The following SH2D4B variants were observed in gnomAD, a reference collection of about 807,000 sequenced individuals.
The protein encoded by SH2D4B is SH2 domain containing 4B, also known as SH2 domain-containing protein 4B.
In SH2D4B, 45 loss-of-function variants were observed where a neutral mutation model predicts 61.5. The observed-to-expected ratio is 0.73, with a 90% CI of 0.58 to 0.94. The LOEUF is 0.94. SH2D4B is among the 40% of genes least tolerant of loss of function. The pLI is 0.00. For synonymous variants in SH2D4B, 224 were observed against 220.4 expected (o/e 1.02, Z -0.14); for missense variants, 572 against 574.2 (o/e 1.00, Z 0.04).
At chr10:80,540,918 G>A in intron 1 of SH2D4B, 1 of 1,550,770 alleles carries the variant, frequency 6.4e-7, no homozygotes, top group Non-Finnish European at 8.7e-7. Flanking sequence ...GGACTCAGGA[G>A]GCTCTCCAGA....
intron 4 of SH2D4B, among the ~76,000 whole-genome samples, chr10:80,597,297 C>T (rs566044838): frequency 5.9e-4 from 90 of 152,306 alleles, no homozygotes; most frequent in Non-Finnish European, 1.1e-3. Context: ...CCCTCAAAAT[C>T]TCAGCCTGGA....
At chr10:80,561,901 C>T (rs78076638) in intron 1 of SH2D4B, among the ~76,000 whole-genome samples, 3,260 of 152,140 alleles carry the variant, frequency 0.021, 97 homozygotes, top group African/African-American at 0.073. Flanking sequence ...AAATATACTT[C>T]AACCAAAATT....
chr10:80,622,550 C>G (rs548903618), intron 6 of SH2D4B, among the ~76,000 whole-genome samples: 1 of 152,280 alleles, frequency 6.6e-6, no homozygotes, highest in South Asian at 2.1e-4. Flanking sequence ...TGGGTCTATA[C>G]TTTCTCTTTC....
chr10:80,567,573 C>G (rs1388194431), intron 1 of SH2D4B, among the ~76,000 whole-genome samples: 1 of 152,212 alleles, frequency 6.6e-6, no homozygotes, highest in Admixed American at 6.5e-5. Context: ...GCACTATATA[C>G]AGTGCTGGAG....
intron 6 of SH2D4B, among the ~76,000 whole-genome samples, chr10:80,624,745 C>A (rs745808357): frequency 2.0e-5 from 3 of 152,126 alleles, no homozygotes; most frequent in African/African-American, 7.2e-5. Flanking sequence ...GCATGGAAAT[C>A]GAAAACTGAT....
chr10:80,588,465 T>C (rs1251476826), intron 3 of SH2D4B, among the ~76,000 whole-genome samples, 165 bp from the exon 4 acceptor site: 1 of 152,202 alleles, frequency 6.6e-6, no homozygotes, highest in Non-Finnish European at 1.5e-5. Flanking sequence ...CAACTGTCTA[T>C]GGGAGTACTG....
At chr10:80,609,993 A>G (rs1437751659) in intron 6 of SH2D4B, among the ~76,000 whole-genome samples, 1 of 152,128 alleles carries the variant, frequency 6.6e-6, no homozygotes, top group African/African-American at 2.4e-5. Context: ...TCACCCAAAC[A>G]TAGACTGTTA....
At chr10:80,562,063 A>T (rs1691516525) in intron 1 of SH2D4B, among the ~76,000 whole-genome samples, 1 of 144,778 alleles carries the variant, frequency 6.9e-6, no homozygotes, top group Admixed American at 7.0e-5. Flanking sequence ...ACACACACAC[A>T]TATATAAAAA....
intron 1 of SH2D4B, among the ~76,000 whole-genome samples, chr10:80,552,564 C>T (rs1841775860): frequency 6.6e-6 from 1 of 152,176 alleles, no homozygotes; most frequent in Non-Finnish European, 1.5e-5. Context: ...GTGAGAAAGG[C>T]CACCAGCTGC....
intron 6 of SH2D4B, among the ~76,000 whole-genome samples, chr10:80,629,537 C>A (rs563682739): frequency 6.6e-6 from 1 of 152,224 alleles, no homozygotes; most frequent in South Asian, 2.1e-4. Flanking sequence ...CCTTCAGCAG[C>A]CTATGTTTGA....
At chr10:80,573,136 CACCG>C (rs569726153) in intron 3 of SH2D4B, among the ~76,000 whole-genome samples, 2,207 of 147,062 alleles carry the variant, frequency 0.015, 59 homozygotes, top group African/African-American at 0.053. Context: ...AGGCGCCCGC[CACCG>C]CGCCCGGCTA....
chr10:80,604,153 C>T (rs1212699425), intron 5 of SH2D4B, among the ~76,000 whole-genome samples: 1 of 152,190 alleles, frequency 6.6e-6, no homozygotes, highest in Non-Finnish European at 1.5e-5. Flanking sequence ...TGTAGTGAGA[C>T]CTCAGATGGG....
At position 80,571,484 on chromosome 10, in the gene SH2D4B, A is replaced by G. The variant is rs1483219499; in HGVS notation, c.401A>G (p.Glu134Gly). 6 of 1,614,178 alleles carry G rather than the reference A, an allele frequency of 3.7e-6. No homozygotes were observed. The Admixed American group carries it at 1.0e-4, about 27-fold the overall frequency. ...AAGTTCCGGGATGCTCTGGCCAATG[A>G]GAAAGCCCGGATCTTGGCGGAGAAG... ...TKKFRDALAN[E>G]KARILAEKWK... The change falls in exon 3 of 8, where the codon GAG (glutamate) becomes GGG (glycine). Residue 134 changes from glutamate (E) to glycine (G), a missense_variant. Coordinates refer to ENST00000646907, the MANE Select transcript of SH2D4B (RefSeq NM_001388272.1).
At chr10:80,548,398 A>G (rs554907450) in intron 1 of SH2D4B, among the ~76,000 whole-genome samples, 9 of 152,236 alleles carry the variant, frequency 5.9e-5, no homozygotes, top group African/African-American at 1.9e-4. Context: ...TCCTGACCTC[A>G]CATAATCTGC....
intron 6 of SH2D4B, among the ~76,000 whole-genome samples, chr10:80,616,373 T>C (rs543500138): frequency 6.6e-6 from 1 of 152,358 alleles, no homozygotes; most frequent in South Asian, 2.1e-4. Context: ...CTTAAGTTCT[T>C]GCTTTAGCGG....
chr10:80,603,989 T>C lies in SH2D4B; in HGVS notation c.860+194T>C, dbSNP rs192212261. 2.9e-3 allele frequency among the ~76,000 whole-genome samples: 444 copies of C among 152,314 alleles called. 3 individuals are homozygous for C. Among genetic ancestry groups the C allele is most frequent in the African/African-American group, 0.01 (424 of 41,560 alleles). On this transcript the variant is annotated intron_variant, in intron 5 of 7. Coordinates refer to ENST00000646907, the MANE Select transcript of SH2D4B (RefSeq NM_001388272.1). ...TGGGAGTTGGAGATTTGTAATAACT[T>C]TGGAGTTCTGGGAGCTTTGACCTTT...
At chr10:80,585,334 T>TC (rs1369877849) in intron 3 of SH2D4B, among the ~76,000 whole-genome samples, 1 of 151,544 alleles carries the variant, frequency 6.6e-6, no homozygotes, top group African/African-American at 2.4e-5. Context: ...TTCTTTTTTT[T>TC]TTTTTTGAGA....
At chr10:80,609,646 G>C in intron 6 of SH2D4B, 95 bp downstream of exon 6, 3 of 1,565,446 alleles carry the variant, frequency 1.9e-6, no homozygotes, top group Non-Finnish European at 2.6e-6. Flanking sequence ...GTTATAATCA[G>C]GGGGCAGAGG....
intron 1 of SH2D4B, among the ~76,000 whole-genome samples, chr10:80,568,866 A>G (rs1375304815): frequency 1.3e-5 from 2 of 151,842 alleles, no homozygotes; most frequent in Admixed American, 6.6e-5. Context: ...CTATTTTTCA[A>G]CCTCCTCCCT....
Sources: allele counts gnomAD v4.1 joint callset (sites outside exome capture counted in the v4.1 genomes callset), GRCh38; gene constraint gnomAD v4.1.1; transcripts MANE v1.5; gene names NCBI Gene and HGNC (gene_info 2026-07-23, HGNC 2026-07-21).